Variants in GLO1 observed in about 807,000 individuals in gnomAD.
The protein encoded by GLO1 is lactoylglutathione lyase.
Under a neutral mutation model 26.0 loss-of-function variants are expected in GLO1, and 28 were observed. The observed-to-expected ratio is 1.08, with a 90% CI of 0.80 to 1.48. The LOEUF (loss-of-function observed/expected upper bound fraction) is 1.48, where lower values mean the gene tolerates loss of function less well. Among genes scored for constraint, GLO1 ranks in the 40% most tolerant of loss-of-function variants. GLO1 has a pLI of 0.00. For missense variants in GLO1, 225 were observed against 224.8 expected, an observed-to-expected ratio of 1.00 and a Z score of -0.01; for synonymous variants, 78 against 77.6, an observed-to-expected ratio of 1.00 and a Z score of -0.03.
rs71543936 is a variant in GLO1 at position 38,693,658 on chromosome 6, G to GCTCTCT, written c.85-6690_85-6685dup. ...ATGATCCCTTTTTCATTTTCATTCA[G>GCTCTCT]CTCTCTCTCTCTCTCTCTCTCTCTC... On this transcript the variant is annotated intron_variant, in intron 1 of 5. Transcript: ENST00000373365. Among the ~76,000 whole-genome samples the GCTCTCT allele has an allele frequency of 6.1e-4, 78 of 127,586 alleles. 1 individual carries two copies. The highest frequency in any genetic ancestry group is 3.9e-3 in the Middle Eastern group (1 of 258). The allele number at this position is 127,586 out of a possible 152,430, so 83.7% of individuals were successfully genotyped here. A position where few individuals can be genotyped will look rare whatever the true frequency, so the allele number is the denominator to read the frequency against.
chr6:38,682,074 A>G lies in GLO1; in HGVS notation c.404T>C (p.Val135Ala). Residue 135 changes from valine to alanine, a missense_variant, in exon 5 of 6, where the codon GTA (valine) becomes GCA (alanine). Physicochemically the swap from Val to Ala is moderately conservative, Grantham distance 64. Transcript: ENST00000373365. ...TTCAAACCTTTTACAAGCACTGTAT[A>G]CATCAGGAACAGCAATTCCAATATG... ...FGHIGIAVPDVYSACKRFEEL... is the reference protein window; with the variant it reads ...FGHIGIAVPDAYSACKRFEEL... 2.5e-6 allele frequency: 4 copies of G among 1,591,952 alleles called. No individual in the cohort carries two copies. In the South Asian group the frequency reaches 4.4e-5, roughly 18 times the overall value.
intron 1 of GLO1, among the ~76,000 whole-genome samples, chr6:38,701,134 C>T (rs1242998175): frequency 6.7e-6 from 1 of 148,372 alleles, no homozygotes; most frequent in African/African-American, 2.6e-5. Context: ...CTGCTGGAGT[C>T]AGCACCCCAG....
rs561117954 is a variant in GLO1 at position 38,703,081 on chromosome 6, G to T, written c.-27C>A. 1.5e-6 allele frequency: 2 copies of T among 1,359,466 alleles called. No homozygotes were observed. The highest frequency in any genetic ancestry group is 1.0e-6 in the Non-Finnish European group (1 of 961,234). 84.2% of individuals were successfully genotyped at this position (1,359,466 alleles called of 1,614,324 possible). On this transcript the variant is annotated 5_prime_UTR_variant, in exon 1 of 6. Transcript: ENST00000373365. ...GCTGCGCTGCAGTATCACAGACGACGGGACCCAAGGAACGGAGGAGTCACC... is the reference window on the plus strand; with the variant it reads ...GCTGCGCTGCAGTATCACAGACGACTGGACCCAAGGAACGGAGGAGTCACC...
At chr6:38,687,256 T>C (rs917884677) in intron 1 of GLO1, 43 of 194,386 alleles carry the variant, frequency 2.2e-4, no homozygotes, top group African/African-American at 1.0e-3. Flanking sequence ...TACCACAAAG[T>C]CCCTCAAAGA....
At chr6:38,678,589 C>T (rs760194063) in intron 5 of GLO1, among the ~76,000 whole-genome samples, 28 of 152,272 alleles carry the variant, frequency 1.8e-4, no homozygotes, top group Non-Finnish European at 3.1e-4. Context: ...GAGTTTTGCT[C>T]TTGCTCCTCC....
At chr6:38,689,101 G>A (rs1452337152) in intron 1 of GLO1, among the ~76,000 whole-genome samples, 2 of 152,096 alleles carry the variant, frequency 1.3e-5, no homozygotes, top group Non-Finnish European at 2.9e-5. Context: ...ACCCATCCAC[G>A]CCTGACAGCC....
At chr6:38,693,975 G>A (rs9791292) in intron 1 of GLO1, among the ~76,000 whole-genome samples, 16,207 of 152,122 alleles carry the variant, frequency 0.11, 1,032 homozygotes, top group East Asian at 0.2. Context: ...CTCCCAAAGT[G>A]CTGGGATTAC....
chr6:38,680,334 C>A (rs1761352113), intron 5 of GLO1, among the ~76,000 whole-genome samples: 1 of 152,104 alleles, frequency 6.6e-6, no homozygotes, highest in African/African-American at 2.4e-5. Flanking sequence ...CCAGCCTGAC[C>A]AACATGGAGA....
At chr6:38,680,911 G>A (rs1221114342) in intron 5 of GLO1, among the ~76,000 whole-genome samples, 2 of 152,072 alleles carry the variant, frequency 1.3e-5, no homozygotes, top group African/African-American at 4.8e-5. Flanking sequence ...GACACTACAA[G>A]AGATATATGA....
At chr6:38,701,928 ATTTT>A (rs555631797) in intron 1 of GLO1, among the ~76,000 whole-genome samples, 2 of 137,150 alleles carry the variant, frequency 1.5e-5, no homozygotes, top group Admixed American at 1.5e-4. Flanking sequence ...CTGTGCCTGA[ATTTT>A]TTTTTTTTTT....
chr6:38,693,685 C>CTCTCTCTCTCTCTCTCTATATA (rs869232489), intron 1 of GLO1, among the ~76,000 whole-genome samples: 9 of 86,430 alleles, frequency 1.0e-4, no homozygotes, highest in Non-Finnish European at 2.2e-4. Flanking sequence ...CTCTCTCTCT[C>CTCTCTCTCTCTCTCTCTATATA]TATATATATA....
At position 38,703,107 on chromosome 6, in the gene GLO1, C is replaced by G. The variant is rs1761733503; in HGVS notation, c.-53G>C. 2.9e-6 allele frequency: 3 copies of G among 1,031,816 alleles called. No individual in the cohort carries two copies. The highest frequency in any genetic ancestry group is 4.1e-4 in the Middle Eastern group (2 of 4,922). 63.9% of individuals were successfully genotyped at this position (1,031,816 alleles called of 1,614,324 possible). On this transcript the variant is annotated 5_prime_UTR_variant, in exon 1 of 6. Transcript: ENST00000373365. ...GGACCCAAGGAACGGAGGAGTCACC[C>G]ACACTACGCCTCGGCCCTGTGCCGC...
chr6:38,692,192 C>T (rs1761540973), intron 1 of GLO1, among the ~76,000 whole-genome samples: 1 of 152,086 alleles, frequency 6.6e-6, no homozygotes, highest in Non-Finnish European at 1.5e-5. Flanking sequence ...TAAATCTCTC[C>T]ATTTATTTAG....
intron 1 of GLO1, among the ~76,000 whole-genome samples, chr6:38,691,965 G>A (rs933847985): frequency 2.0e-5 from 3 of 152,138 alleles, no homozygotes; most frequent in Admixed American, 1.3e-4. Context: ...ACAGAGTAGT[G>A]ATTACTGTAG....
chr6:38,693,535 T>C (rs1252041702), intron 1 of GLO1, among the ~76,000 whole-genome samples: 1 of 152,086 alleles, frequency 6.6e-6, no homozygotes, highest in Non-Finnish European at 1.5e-5. Flanking sequence ...CATTTTCTAG[T>C]TTCTTAGGAG....
chr6:38,702,934 G>A (rs749509100), intron 1 of GLO1, 37 bp downstream of exon 1: 1 of 1,195,244 alleles, frequency 8.4e-7, no homozygotes. Context: ...CGGCCCAGCG[G>A]AGCTGGGGGA....
At chr6:38,686,560 T>G (rs1291734592) in intron 2 of GLO1, among the ~76,000 whole-genome samples, 2 of 152,220 alleles carry the variant, frequency 1.3e-5, no homozygotes, top group African/African-American at 4.8e-5. Flanking sequence ...TCTTATTATC[T>G]ATAACTTTTC....
intron 1 of GLO1, among the ~76,000 whole-genome samples, chr6:38,702,533 G>C (rs1160565707): frequency 6.6e-6 from 1 of 152,178 alleles, no homozygotes; most frequent in Non-Finnish European, 1.5e-5. Context: ...GTTAAACTTA[G>C]AGCGATCAAA....
chr6:38,696,010 G>C (rs544659374), intron 1 of GLO1, among the ~76,000 whole-genome samples: 1 of 152,252 alleles, frequency 6.6e-6, no homozygotes, highest in African/African-American at 2.4e-5. Flanking sequence ...ACCTTTCAGA[G>C]TCTTCCAATG....
Sources: allele counts gnomAD v4.1 joint callset (sites outside exome capture counted in the v4.1 genomes callset), GRCh38; gene constraint gnomAD v4.1.1; transcripts MANE v1.5; gene names NCBI Gene and HGNC (gene_info 2026-07-23, HGNC 2026-07-21).